The following ADAMTS19 variants were observed in gnomAD, a reference collection of about 807,000 sequenced individuals.
ADAMTS19 encodes ADAM metallopeptidase with thrombospondin type 1 motif 19, also known as A disintegrin and metalloproteinase with thrombospondin motifs 19.
Under a neutral mutation model 153.3 loss-of-function variants are expected in ADAMTS19, and 93 were observed. The ratio of observed to expected loss-of-function variants is 0.61; its 90% CI spans 0.51 to 0.72. The LOEUF (loss-of-function observed/expected upper bound fraction) is 0.72. ADAMTS19 is among the 30% of genes least tolerant of loss of function. The probability of loss-of-function intolerance (pLI) is 0.00; values close to 1 mark genes in which losing one functional copy is unlikely to be tolerated. For synonymous variants in ADAMTS19, 600 were observed against 556.6 expected, an observed-to-expected ratio of 1.08 and a Z score of -1.10; for missense variants, 1,482 against 1,552.1, an observed-to-expected ratio of 0.95 and a Z score of 0.76.
intron 10 of ADAMTS19, among the ~76,000 whole-genome samples, chr5:129,624,123 T>A: frequency 1.6e-5 from 1 of 63,220 alleles, no homozygotes; most frequent in African/African-American, 7.7e-5. Flanking sequence ...TGAGGCTCAG[T>A]CTCAAAAAAA....
At chr5:129,644,145 G>A (rs142442259) in intron 11 of ADAMTS19, among the ~76,000 whole-genome samples, 3 of 152,054 alleles carry the variant, frequency 2.0e-5, no homozygotes, top group Admixed American at 6.6e-5. Context: ...CTAAACAAAA[G>A]TAAAAAGTTT....
At chr5:129,607,500 A>G (rs1750958116) in intron 8 of ADAMTS19, among the ~76,000 whole-genome samples, 1 of 152,202 alleles carries the variant, frequency 6.6e-6, no homozygotes, top group Non-Finnish European at 1.5e-5. Flanking sequence ...GACATAAAGC[A>G]ATTGAGTCCC....
intron 15 of ADAMTS19, among the ~76,000 whole-genome samples, chr5:129,664,944 C>G (rs1033256854): frequency 1.3e-5 from 2 of 152,094 alleles, no homozygotes; most frequent in African/African-American, 4.8e-5. Flanking sequence ...TCAGAAATGA[C>G]CCTAGATTGC....
At chr5:129,703,322 C>T (rs1755997386) in intron 20 of ADAMTS19, among the ~76,000 whole-genome samples, 1 of 151,588 alleles carries the variant, frequency 6.6e-6, no homozygotes, top group Non-Finnish European at 1.5e-5. Flanking sequence ...TTTATATCAC[C>T]CTCATCCGTT....
chr5:129,520,350 G>A (rs1283267172), intron 3 of ADAMTS19, among the ~76,000 whole-genome samples: 1 of 152,080 alleles, frequency 6.6e-6, no homozygotes, highest in African/African-American at 2.4e-5. Context: ...TACACACTAG[G>A]GAGCCTAGTA....
At chr5:129,600,466 T>C (rs1380011733) in intron 8 of ADAMTS19, among the ~76,000 whole-genome samples, 2 of 152,306 alleles carry the variant, frequency 1.3e-5, no homozygotes, top group East Asian at 3.9e-4. Context: ...AGAATACCTT[T>C]ATAATCACAT....
At chr5:129,533,122 A>G (rs911729483) in intron 6 of ADAMTS19, among the ~76,000 whole-genome samples, 1 of 152,076 alleles carries the variant, frequency 6.6e-6, no homozygotes, top group Non-Finnish European at 1.5e-5. Flanking sequence ...AATTATACTG[A>G]GTGAAAAAGC....
rs3059618 is a variant in ADAMTS19, at chr5:129,486,745, AAAAT to A, written c.748-22310_748-22307del. On this transcript the variant is annotated intron_variant, in intron 2 of 22. Coordinates refer to ENST00000274487, the MANE Select transcript of ADAMTS19 (RefSeq NM_133638.6). ...GAAGATTCTAGCCACAACAATAAGC[AAAAT>A]AAATAAATAAATAAATAAATACAGT... 3.5e-3 allele frequency among the ~76,000 whole-genome samples: 535 copies of A among 152,234 alleles called. 5 individuals carry two copies. The highest frequency in any genetic ancestry group is 0.012 in the African/African-American group (504 of 41,542).
chr5:129,736,181 T>C (rs2127230355), intron 22 of ADAMTS19, among the ~76,000 whole-genome samples: 1 of 152,134 alleles, frequency 6.6e-6, no homozygotes, highest in South Asian at 2.1e-4. Context: ...GTATAATTCC[T>C]TTCTCCAACA....
chr5:129,736,366 C>T (rs898809270), intron 22 of ADAMTS19, among the ~76,000 whole-genome samples: 14 of 151,906 alleles, frequency 9.2e-5, no homozygotes, highest in African/African-American at 2.7e-4. Flanking sequence ...TATTAGAATA[C>T]GATTCATTCT....
intron 8 of ADAMTS19, among the ~76,000 whole-genome samples, chr5:129,613,449 G>A (rs1028805128): frequency 3.9e-5 from 6 of 152,024 alleles, no homozygotes; most frequent in Admixed American, 2.6e-4. Flanking sequence ...GGTACATAAC[G>A]AAATGAAGGC....
chr5:129,589,094 G>C (rs1297551090), intron 7 of ADAMTS19, among the ~76,000 whole-genome samples: 1 of 151,784 alleles, frequency 6.6e-6, no homozygotes, highest in Non-Finnish European at 1.5e-5. Context: ...CTGAACAATA[G>C]TAGAGTTTAG....
chr5:129,736,748 A>G (rs1038912805), intron 22 of ADAMTS19, among the ~76,000 whole-genome samples: 12 of 152,074 alleles, frequency 7.9e-5, no homozygotes, highest in Non-Finnish European at 1.6e-4. Flanking sequence ...TTTTCTTTTT[A>G]ATTTTCTCTA....
intron 20 of ADAMTS19, among the ~76,000 whole-genome samples, chr5:129,703,065 T>C (rs927589822): frequency 5.4e-5 from 8 of 149,130 alleles, no homozygotes; most frequent in African/African-American, 1.7e-4. Context: ...TATGAGACAA[T>C]TACTTATTTG....
intron 3 of ADAMTS19, among the ~76,000 whole-genome samples, chr5:129,513,773 C>T (rs530505320): frequency 4.0e-5 from 6 of 151,806 alleles, no homozygotes; most frequent in African/African-American, 9.7e-5. Flanking sequence ...ACCACTTATG[C>T]GTTGAGATAC....
intron 7 of ADAMTS19, among the ~76,000 whole-genome samples, chr5:129,576,831 A>T (rs576592101): frequency 7.7e-4 from 117 of 152,190 alleles, no homozygotes; most frequent in African/African-American, 2.7e-3. Context: ...ATATTGGCTG[A>T]CCTACCTATT....
intron 3 of ADAMTS19, among the ~76,000 whole-genome samples, chr5:129,512,318 A>G (rs1243910780): frequency 6.6e-6 from 1 of 152,032 alleles, no homozygotes; most frequent in African/African-American, 2.4e-5. Context: ...ATTATTGTCA[A>G]TCTGTGGAGG....
intron 7 of ADAMTS19, among the ~76,000 whole-genome samples, chr5:129,561,067 A>G (rs1277577835): frequency 1.3e-5 from 2 of 152,234 alleles, no homozygotes; most frequent in Non-Finnish European, 2.9e-5. Flanking sequence ...TGATTTATTT[A>G]AAATTAATAA....
In ADAMTS19 at chr5:129,461,654, C is replaced by T. The variant is rs765122220; in HGVS notation, c.644C>T (p.Ala215Val). 121 of 1,589,374 alleles carry T rather than the reference C, an allele frequency of 7.6e-5. No individual in the cohort carries two copies. The highest frequency in any genetic ancestry group is 9.7e-5 in the Non-Finnish European group (114 of 1,173,742). Residue 215 changes from alanine to valine, a missense_variant, in exon 2 of 23, where the codon GCC (alanine) becomes GTC (valine). Around this residue, in one of 2 missense-constraint regions of ADAMTS19, gnomAD observed 866 missense variants for 827.7 expected, o/e 1.05. Coordinates refer to ENST00000274487, the MANE Select transcript of ADAMTS19 (RefSeq NM_133638.6). This position sits in a 1 kb window ranked among gnomAD's most constrained non-coding sequence, Gnocchi z 4.6. ...CCCGGCCCCACGGGGGCAGCATCCG[C>T]CCCGCAACCTCCCGCGCCACCAGAC... ...PGPGPTGAAS[A>V]PQPPAPPDAG...
Sources: allele counts gnomAD v4.1 joint callset (sites outside exome capture counted in the v4.1 genomes callset), GRCh38; gene constraint gnomAD v4.1.1; regional missense constraint gnomAD v4.1.1; non-coding constraint Gnocchi (gnomAD v3.1); transcripts MANE v1.5; gene names NCBI Gene and HGNC (gene_info 2026-07-23, HGNC 2026-07-21).